CEP85L: variants seen among roughly 807,000 people sequenced by gnomAD.
The protein encoded by CEP85L is centrosomal protein of 85 kDa-like.
Under a neutral mutation model 100.3 loss-of-function variants are expected in CEP85L, and 60 were observed. That is an observed-to-expected ratio of 0.60 (90% confidence interval 0.49 to 0.74). The LOEUF (loss-of-function observed/expected upper bound fraction) is 0.74. Ranked by LOEUF, CEP85L falls within the 30% of genes least tolerant of loss-of-function variation. CEP85L has a pLI of 0.00. For synonymous variants in CEP85L, 319 were observed against 322.7 expected (o/e 0.99, Z 0.12); for missense variants, 973 against 936.2 (o/e 1.04, Z -0.51).
At position 118,532,632 on chromosome 6, in the gene CEP85L, T is replaced by C. The variant is rs549155161; in HGVS notation, c.1021-8712A>G. Among the ~76,000 whole-genome samples, 173 of 152,238 alleles carry C rather than the reference T, an allele frequency of 1.1e-3. 1 individual carries two copies. Among genetic ancestry groups the C allele is most frequent in the African/African-American group, 3.9e-3 (160 of 41,558 alleles). On this transcript the variant is annotated intron_variant, in intron 3 of 12. Transcript: ENST00000368491. ...GATCACTTTCTAAGAAAATATCAAT[T>C]ACCAAAATTAACTCTTGAGATAGAG... is the stretch of plus-strand genomic sequence containing the variant.
At chr6:118,657,279 A>G (rs1775829607), upstream of CEP85L, among the ~76,000 whole-genome samples, 1 of 152,206 alleles carries the variant, frequency 6.6e-6, no homozygotes, top group Non-Finnish European at 1.5e-5. Flanking sequence ...ACAGGAGTAT[A>G]AATGAGTAAA....
chr6:118,579,259 T>C (rs1456508811), intron 2 of CEP85L, among the ~76,000 whole-genome samples: 4 of 150,664 alleles, frequency 2.7e-5, no homozygotes, highest in Admixed American at 1.3e-4. Flanking sequence ...GCCAGATTAC[T>C]GCCAATTTAA....
chr6:118,539,912 A>G (rs1583007480), intron 3 of CEP85L, among the ~76,000 whole-genome samples: 1 of 152,098 alleles, frequency 6.6e-6, no homozygotes. Flanking sequence ...TTCTTCTTTT[A>G]TATGTTAAAA....
At chr6:118,563,360 G>A (rs1299157632) in intron 3 of CEP85L, among the ~76,000 whole-genome samples, 1 of 152,178 alleles carries the variant, frequency 6.6e-6, no homozygotes, top group Non-Finnish European at 1.5e-5. Context: ...AACCTGGGGA[G>A]TGGGGAGCTG....
intron 6 of CEP85L, among the ~76,000 whole-genome samples, chr6:118,485,332 G>T (rs1774099511): frequency 1.3e-5 from 2 of 152,106 alleles, no homozygotes; most frequent in African/African-American, 2.4e-5. Flanking sequence ...CTTTATTAAA[G>T]CTAACACTTG....
At chr6:118,680,311 T>A (rs1776613959) in intron 1 of CEP85L, among the ~76,000 whole-genome samples, 1 of 45,790 alleles carries the variant, frequency 2.2e-5, no homozygotes, top group South Asian at 7.5e-4. Context: ...TGTTGCTTTT[T>A]TTTTTTTTTT....
chr6:118,707,512 C>T (rs1182492455), intron 1 of CEP85L, among the ~76,000 whole-genome samples: 1 of 152,140 alleles, frequency 6.6e-6, no homozygotes, highest in Non-Finnish European at 1.5e-5. Context: ...TTCTTTTTAG[C>T]TCCTCATTCA....
chr6:118,481,918 C>A lies in CEP85L; in HGVS notation c.1606G>T (p.Glu536Ter), dbSNP rs1215374046. The A allele has an allele frequency of 3.3e-6, 5 of 1,536,968 alleles. No homozygotes were observed. Among genetic ancestry groups the A allele is most frequent in the Non-Finnish European group, 4.4e-6 (5 of 1,141,932 alleles). Residue 536 changes from glutamate (E) to a stop codon, truncating the protein, a stop_gained, in exon 8 of 13, where the codon GAA (glutamate) becomes TAA (stop). Coordinates refer to ENST00000368491, the MANE Select transcript of CEP85L (RefSeq NM_001042475.3). LOFTEE classifies it high-confidence loss of function. ...SQSLQLQILE[E>*]KNKNLQEALI... ...GCCTCTTGTAAATTCTTATTTTTTT[C>A]TTCCAGAATCTGCAGCTAAGGAGAA... is the stretch of plus-strand genomic sequence containing the variant.
chr6:118,606,671 G>GT (rs1772245293), intron 2 of CEP85L, among the ~76,000 whole-genome samples: 1 of 152,172 alleles, frequency 6.6e-6, no homozygotes, highest in East Asian at 1.9e-4. Flanking sequence ...CAGTATTTGT[G>GT]TTTGTTTCAG....
chr6:118,473,313 G>T (rs1316576066), intron 10 of CEP85L, among the ~76,000 whole-genome samples: 1 of 148,610 alleles, frequency 6.7e-6, no homozygotes, highest in Admixed American at 6.6e-5. Context: ...ACAGAGCACA[G>T]TAAGGGTCAG....
At chr6:118,553,192 A>G (rs981553868) in intron 3 of CEP85L, among the ~76,000 whole-genome samples, 2 of 147,898 alleles carry the variant, frequency 1.4e-5, no homozygotes, top group African/African-American at 5.0e-5. Context: ...GTACTCTATT[A>G]AACAGCTTAG....
chr6:118,703,669 T>C (rs1777501527), intron 1 of CEP85L, among the ~76,000 whole-genome samples: 1 of 152,240 alleles, frequency 6.6e-6, no homozygotes, highest in Non-Finnish European at 1.5e-5. Flanking sequence ...GGGAAAATGC[T>C]ATTCCTCTCC....
intron 3 of CEP85L, among the ~76,000 whole-genome samples, chr6:118,533,626 C>G (rs67299819): frequency 0.1 from 15,393 of 152,024 alleles, 936 homozygotes; most frequent in African/African-American, 0.16. Context: ...GCTCTGATAA[C>G]AAAACCAGAC....
At chr6:118,559,118 T>A (rs1583048134) in intron 3 of CEP85L, 1 of 1,531,584 alleles carries the variant, frequency 6.5e-7, no homozygotes. Context: ...GCTTGCCACA[T>A]CAGCTTAAAA....
Position 118,566,105 on chromosome 6 carries a change from C to T in CEP85L, c.444G>A (p.Lys148=). ...ACCATTTCCGAAGTGGCCGGAAGTC[C>T]TTCATGTCTAGGGAAGAGTCCTGCT... ...RGEQDSSLDM[K]DFRPLRKWSS... is the part of the protein sequence containing the mutation. Residue 148 remains lysine, a synonymous_variant, in exon 3 of 13, where the codon AAG becomes AAA. Coordinates refer to ENST00000368491, the MANE Select transcript of CEP85L (RefSeq NM_001042475.3). 6.2e-7 allele frequency: 1 copy of T among 1,614,156 alleles called. No individual in the cohort carries two copies. Among genetic ancestry groups the T allele is most frequent in the African/African-American group, 1.3e-5 (1 of 75,034 alleles).
chr6:118,522,190 G>A (rs4946347), intron 4 of CEP85L, among the ~76,000 whole-genome samples: 69,787 of 151,682 alleles, frequency 0.46, 16,527 homozygotes, highest in Middle Eastern at 0.57. Flanking sequence ...GAGAAACCCC[G>A]TCTCTACTAA....
At chr6:118,643,927 T>A (rs1412415771) in intron 1 of CEP85L, among the ~76,000 whole-genome samples, 2 of 152,218 alleles carry the variant, frequency 1.3e-5, no homozygotes, top group African/African-American at 4.8e-5. Context: ...AACCCTTCAG[T>A]CCTAGGCAAC....
intron 3 of CEP85L, among the ~76,000 whole-genome samples, chr6:118,526,992 T>C (rs1777002052): frequency 1.4e-5 from 2 of 145,762 alleles, no homozygotes; most frequent in East Asian, 2.0e-4. Flanking sequence ...GTTTCATTCC[T>C]TTACTTTTTC....
intron 2 of CEP85L, among the ~76,000 whole-genome samples, chr6:118,569,132 G>C (rs1467953149): frequency 1.3e-5 from 2 of 151,806 alleles, no homozygotes; most frequent in Non-Finnish European, 2.9e-5. Context: ...CTTGAGGTCA[G>C]GAGTTCAAGA....
Sources: allele counts gnomAD v4.1 joint callset (sites outside exome capture counted in the v4.1 genomes callset), GRCh38; gene constraint gnomAD v4.1.1; transcripts MANE v1.5; gene names NCBI Gene and HGNC (gene_info 2026-07-23, HGNC 2026-07-21).